FSTL5: variants seen among roughly 807,000 people sequenced by gnomAD.
The protein encoded by FSTL5 is follistatin-related protein 5.
A neutral mutation model predicts 89.1 loss-of-function variants in FSTL5; 62 were observed. That is an observed-to-expected ratio of 0.70 (90% CI 0.57 to 0.86). FSTL5 has a LOEUF of 0.86. Ranked by LOEUF, FSTL5 falls within the 40% of genes least tolerant of loss-of-function variation. The pLI is 0.00. For missense variants in FSTL5, 1,057 were observed against 1,001.6 expected (o/e 1.06, Z -0.75); for synonymous variants, 383 against 346.2 (o/e 1.11, Z -1.18).
intron 6 of FSTL5, among the ~76,000 whole-genome samples, chr4:161,690,008 A>G (rs765266066): frequency 3.1e-4 from 47 of 152,038 alleles, no homozygotes; most frequent in Non-Finnish European, 3.7e-4. Context: ...ATAATGTTCC[A>G]CTCTGCGTAT....
chr4:161,855,639 A>G (rs934725758), intron 4 of FSTL5, among the ~76,000 whole-genome samples: 1 of 152,118 alleles, frequency 6.6e-6, no homozygotes, highest in African/African-American at 2.4e-5. Flanking sequence ...CCTTCTCTGA[A>G]TCTTGTTTAA....
intron 4 of FSTL5, among the ~76,000 whole-genome samples, chr4:161,783,719 C>CTT (rs1741771728): frequency 3.7e-5 from 1 of 26,730 alleles, no homozygotes; most frequent in Non-Finnish European, 7.2e-5. Context: ...TTCTTTCTTT[C>CTT]TTTCTTCTTT....
At chr4:161,949,342 C>G (rs7440215) in intron 3 of FSTL5, among the ~76,000 whole-genome samples, 68,052 of 151,742 alleles carry the variant, frequency 0.45, 16,469 homozygotes, top group Non-Finnish European at 0.53. Flanking sequence ...AGAATTCGGA[C>G]AGAAACATCT....
At chr4:161,911,089 A>G (rs1733678015) in intron 4 of FSTL5, among the ~76,000 whole-genome samples, 1 of 152,138 alleles carries the variant, frequency 6.6e-6, no homozygotes, top group South Asian at 2.1e-4. Context: ...GTTTGAATCG[A>G]CCATGATACC....
chr4:161,886,302 C>T (rs186627393), intron 4 of FSTL5, among the ~76,000 whole-genome samples: 1 of 152,296 alleles, frequency 6.6e-6, no homozygotes, highest in African/African-American at 2.4e-5. Flanking sequence ...GTAGCAGTTG[C>T]ATAGGAAAAG....
intron 2 of FSTL5, among the ~76,000 whole-genome samples, chr4:162,072,521 C>A (rs924409849): frequency 7.2e-5 from 11 of 151,798 alleles, no homozygotes; most frequent in African/African-American, 2.7e-4. Context: ...ACATTAATTT[C>A]TTTCTAAGTA....
chr4:161,763,136 C>T (rs552789742), intron 5 of FSTL5, among the ~76,000 whole-genome samples: 60 of 152,272 alleles, frequency 3.9e-4, no homozygotes, highest in Non-Finnish European at 4.4e-5. Context: ...CTAACTCAAT[C>T]ATCCATTCAA....
chr4:162,125,989 A>G (rs75492919), intron 1 of FSTL5, among the ~76,000 whole-genome samples: 20,806 of 151,976 alleles, frequency 0.14, 1,944 homozygotes, highest in Non-Finnish European at 0.19. Context: ...AGGCCTACAA[A>G]GTCTAAAATA....
chr4:161,752,727 G>T (rs1740440821), intron 6 of FSTL5, among the ~76,000 whole-genome samples: 1 of 152,130 alleles, frequency 6.6e-6, no homozygotes. Flanking sequence ...ACTGAATTGT[G>T]TCTCCTCCAA....
In FSTL5 at chr4:161,385,872, C is replaced by G. The variant is rs75149124; in HGVS notation, c.2419G>C (p.Gly807Arg). ...NRQIQDSGLF[G>R]QYLMTPSKDS... ...TTGGAAGGTGTCATCAGGTATTGAC[C>G]AAACAAGCCACTGTCCTGGATTTGC... The change falls in exon 16 of 16, where the codon GGT becomes CGT. Residue 807 changes from glycine to arginine, a missense_variant. Transcript: ENST00000306100. 5.6e-6 allele frequency: 9 copies of G among 1,613,558 alleles called. No homozygotes were observed. In the South Asian group the frequency reaches 8.8e-5, roughly 16 times the overall value.
chr4:161,721,186 G>T (rs1739195664), intron 6 of FSTL5, among the ~76,000 whole-genome samples: 1 of 148,044 alleles, frequency 6.8e-6, no homozygotes, highest in Non-Finnish European at 1.5e-5. Context: ...GCTGAGGCAG[G>T]AGAATGGCGT....
At chr4:162,036,678 A>T (rs920415606) in intron 2 of FSTL5, among the ~76,000 whole-genome samples, 10 of 152,012 alleles carry the variant, frequency 6.6e-5, no homozygotes, top group African/African-American at 2.4e-4. Context: ...CAGGAGAAAA[A>T]TCAAGAGATC....
intron 6 of FSTL5, among the ~76,000 whole-genome samples, chr4:161,682,773 G>A (rs1185158053): frequency 3.3e-5 from 5 of 151,752 alleles, no homozygotes; most frequent in African/African-American, 1.2e-4. Flanking sequence ...TTGAGATGGA[G>A]TCTCACTCTT....
intron 2 of FSTL5, among the ~76,000 whole-genome samples, chr4:162,052,574 G>A (rs955588130): frequency 1.3e-5 from 2 of 151,698 alleles, no homozygotes; most frequent in African/African-American, 2.4e-5. Flanking sequence ...AAGGGATCCA[G>A]AGAGAGGATG....
At chr4:161,784,785 T>C (rs985001130) in intron 4 of FSTL5, among the ~76,000 whole-genome samples, 12 of 150,842 alleles carry the variant, frequency 8.0e-5, no homozygotes, top group African/African-American at 2.4e-4. Context: ...TCCCAGCTAC[T>C]CAGGAAGCTG....
Position 162,111,343 on chromosome 4 carries a change from C to G in FSTL5, c.54G>C (p.Ser18=). ...CTCCTTCTTTGGTTGGCCTTCCTTC[C>G]GACTCCAGAAAAATGAATCCGAGAA... ...VLVLGFIFLE[S]EGRPTKEGGY... Residue 18 remains serine (S), a synonymous_variant, in exon 2 of 16, where the codon TCG becomes TCC. Coordinates refer to ENST00000306100, the MANE Select transcript of FSTL5 (RefSeq NM_020116.5). 6.2e-7 allele frequency: 1 copy of G among 1,611,920 alleles called. No homozygotes were observed. Among genetic ancestry groups the G allele is most frequent in the African/African-American group, 1.3e-5 (1 of 74,908 alleles).
intron 5 of FSTL5, among the ~76,000 whole-genome samples, chr4:161,761,389 G>A (rs966289708): frequency 2.6e-5 from 4 of 152,154 alleles, no homozygotes; most frequent in South Asian, 2.1e-4. Context: ...GGCAGTGTGC[G>A]CGATTCTACC....
At chr4:161,645,170 C>CT (rs1736109424) in intron 7 of FSTL5, among the ~76,000 whole-genome samples, 1 of 149,712 alleles carries the variant, frequency 6.7e-6, no homozygotes, top group African/African-American at 2.5e-5. Context: ...AAAGATAATG[C>CT]CAAAAAAAAA....
chr4:161,798,986 C>T (rs1261973943), intron 4 of FSTL5, among the ~76,000 whole-genome samples: 1 of 151,456 alleles, frequency 6.6e-6, no homozygotes, highest in Non-Finnish European at 1.5e-5. Context: ...ACTGAAAGAT[C>T]AAAAAGGTAA....
Sources: gnomAD v4.1 joint callset for allele counts (sites outside exome capture counted in the v4.1 genomes callset) on GRCh38, gnomAD v4.1.1 for gene constraint, MANE v1.5 for transcripts, NCBI Gene and HGNC (gene_info 2026-07-23, HGNC 2026-07-21) for gene names.